TRIQK: variants seen among roughly 807,000 people sequenced by gnomAD.
TRIQK encodes triple QxxK/R motif containing, also known as triple QxxK/R motif-containing protein.
Under a neutral mutation model 10.8 loss-of-function variants are expected in TRIQK, and 10 were observed. The ratio of observed to expected loss-of-function variants is 0.92; its 90% CI spans 0.57 to 1.57. The LOEUF (loss-of-function observed/expected upper bound fraction) is 1.57, where lower values mean the gene tolerates loss of function less well. Among genes scored for constraint, TRIQK ranks in the 40% most tolerant of loss-of-function variants. TRIQK has a pLI of 0.00. For synonymous variants in TRIQK, 33 were observed against 33.7 expected (o/e 0.98, Z 0.07); for missense variants, 107 against 97.7 (o/e 1.09, Z -0.40).
At chr8:92,909,967 A>G (rs967836644) in intron 3 of TRIQK, among the ~76,000 whole-genome samples, 2 of 151,668 alleles carry the variant, frequency 1.3e-5, no homozygotes, top group African/African-American at 4.8e-5. Flanking sequence ...TAAGTATTCA[A>G]TTTAGTTAAA....
At chr8:92,984,501 A>G (rs1303436848) in intron 1 of TRIQK, among the ~76,000 whole-genome samples, 1 of 152,152 alleles carries the variant, frequency 6.6e-6, no homozygotes, top group Admixed American at 6.6e-5. Flanking sequence ...ATATGAGAAT[A>G]AAAAAGAAAG....
At chr8:92,991,767 C>A (rs1813098570) in intron 1 of TRIQK, among the ~76,000 whole-genome samples, 1 of 152,148 alleles carries the variant, frequency 6.6e-6, no homozygotes, top group South Asian at 2.1e-4. Flanking sequence ...ATCGTCTCAG[C>A]CCACATTCTC....
chr8:92,936,668 G>C (rs1460488320), intron 2 of TRIQK, among the ~76,000 whole-genome samples: 2 of 151,606 alleles, frequency 1.3e-5, no homozygotes, highest in African/African-American at 4.8e-5. Context: ...GACAAAAGGG[G>C]AAAGAGCATA....
intron 3 of TRIQK, among the ~76,000 whole-genome samples, chr8:92,904,387 T>C (rs1337746954): frequency 6.6e-6 from 1 of 152,184 alleles, no homozygotes; most frequent in Non-Finnish European, 1.5e-5. Flanking sequence ...AGAGGTTGAC[T>C]ATATGATGAA....
rs1037089942 is a variant in TRIQK, at chr8:92,887,711, T to C, written c.148-976A>G. On this transcript the variant is annotated intron_variant, in intron 4 of 4. Coordinates refer to ENST00000521988, the MANE Select transcript of TRIQK (RefSeq NM_001171797.2). The stretch of plus-strand genomic sequence containing the variant: ...TGCATTAGCATTTACATGAATATAG[T>C]TTACATTTCACAAGAAGGTAAGTCA... Among the ~76,000 whole-genome samples the C allele has an allele frequency of 3.3e-5, 5 of 151,692 alleles. No individual in the cohort carries two copies. In the South Asian group the frequency reaches 1.0e-3, roughly 31 times the overall value.
intron 4 of TRIQK, among the ~76,000 whole-genome samples, chr8:92,888,132 T>C (rs1816579462): frequency 6.6e-6 from 1 of 151,598 alleles, no homozygotes; most frequent in Non-Finnish European, 1.5e-5. Flanking sequence ...GAGGATGTAA[T>C]AAACAAGTGA....
intron 3 of TRIQK, among the ~76,000 whole-genome samples, chr8:92,895,352 G>T (rs1808536265): frequency 6.6e-6 from 1 of 152,048 alleles, no homozygotes; most frequent in African/African-American, 2.4e-5. Flanking sequence ...GTACCAAGAA[G>T]TAGGGGTGCT....
intron 2 of TRIQK, among the ~76,000 whole-genome samples, chr8:92,944,280 A>G (rs375511006): frequency 2.0e-5 from 3 of 146,490 alleles, no homozygotes; most frequent in African/African-American, 7.5e-5. Flanking sequence ...TACAGCCATT[A>G]TGGAAGAGAG....
chr8:92,938,306 G>A (rs1811096047), intron 2 of TRIQK, among the ~76,000 whole-genome samples: 1 of 151,622 alleles, frequency 6.6e-6, no homozygotes, highest in Non-Finnish European at 1.5e-5. Flanking sequence ...CAACATGATT[G>A]GATATATGTA....
intron 3 of TRIQK, among the ~76,000 whole-genome samples, chr8:92,896,868 G>C (rs1007054973): frequency 4.0e-5 from 6 of 150,878 alleles, no homozygotes; most frequent in Admixed American, 2.0e-4. Flanking sequence ...CCAGGCTGGA[G>C]TGCAATGGCA....
chr8:92,960,673 T>C (rs1316091262), intron 1 of TRIQK: 5 of 152,172 alleles, frequency 3.3e-5, no homozygotes, highest in African/African-American at 1.2e-4. Flanking sequence ...GCTTTGACGT[T>C]GGAAGAAGGA....
At chr8:92,944,304 C>CAA (rs56002665) in intron 2 of TRIQK, among the ~76,000 whole-genome samples, 1,402 of 134,770 alleles carry the variant, frequency 0.01, 18 homozygotes, top group African/African-American at 0.026. Context: ...GAAGGTTACT[C>CAA]AAAAAAAAAA....
At chr8:92,984,117 G>A (rs960586495) in intron 1 of TRIQK, among the ~76,000 whole-genome samples, 1 of 152,068 alleles carries the variant, frequency 6.6e-6, no homozygotes, top group Non-Finnish European at 1.5e-5. Flanking sequence ...TTTTGCTAAT[G>A]AAAGATGGTT....
intron 1 of TRIQK, chr8:92,965,600 A>T (rs1465203267): frequency 6.6e-6 from 1 of 152,350 alleles, no homozygotes; most frequent in East Asian, 1.9e-4. Context: ...AAAGGAGCCA[A>T]TCCCGAGCCG....
At position 93,007,933 on chromosome 8, in the gene TRIQK, A is replaced by G. The variant is rs11987446; in HGVS notation, c.-181+9676T>C. 3.3e-4 allele frequency among the ~76,000 whole-genome samples: 50 copies of G among 152,336 alleles called. 1 individual carries two copies. The highest frequency in any genetic ancestry group is 1.4e-3 in the Admixed American group (21 of 15,306). ...AGACTGGATAAAGAAAGTGTGGTACATATACACCATGGAATACCATACGGC... is the reference window on the plus strand; with the variant it reads ...AGACTGGATAAAGAAAGTGTGGTACGTATACACCATGGAATACCATACGGC... On this transcript the variant is annotated intron_variant, in intron 1 of 4. Transcript: ENST00000520686.
intron 1 of TRIQK, among the ~76,000 whole-genome samples, chr8:92,987,241 C>T (rs1813044504): frequency 6.6e-6 from 1 of 152,194 alleles, no homozygotes; most frequent in Non-Finnish European, 1.5e-5. Flanking sequence ...ATCAGAAAGT[C>T]CACTTCTGCC....
At chr8:92,912,689 C>T (rs768547795) in intron 3 of TRIQK, among the ~76,000 whole-genome samples, 4 of 151,838 alleles carry the variant, frequency 2.6e-5, no homozygotes, top group Non-Finnish European at 5.9e-5. Flanking sequence ...TCATAAGGGG[C>T]ATTTATAAAC....
chr8:92,901,514 T>G (rs1220941156), intron 3 of TRIQK, among the ~76,000 whole-genome samples: 3 of 152,176 alleles, frequency 2.0e-5, no homozygotes, highest in Admixed American at 2.0e-4. Flanking sequence ...CATAGGGTTT[T>G]TGTCCTTCAT....
At chr8:93,011,993 A>T (rs1813340325) in intron 1 of TRIQK, among the ~76,000 whole-genome samples, 1 of 152,188 alleles carries the variant, frequency 6.6e-6, no homozygotes, top group Non-Finnish European at 1.5e-5. Context: ...TTGGGGACAG[A>T]TGGAAAATAT....
Sources: allele counts gnomAD v4.1 joint callset (sites outside exome capture counted in the v4.1 genomes callset), GRCh38; gene constraint gnomAD v4.1.1; transcripts MANE v1.5; gene names NCBI Gene and HGNC (gene_info 2026-07-23, HGNC 2026-07-21).